TRERF1: variants seen among roughly 807,000 people sequenced by gnomAD.
The protein encoded by TRERF1 is transcriptional-regulating factor 1.
A neutral mutation model predicts 122.9 loss-of-function variants in TRERF1; 27 were observed. The ratio of observed to expected loss-of-function variants is 0.22; its 90% CI spans 0.16 to 0.30. The LOEUF is 0.30. Among genes scored for constraint, TRERF1 ranks in the 10% least tolerant of loss-of-function variants. The pLI is 1.00. For synonymous variants in TRERF1, 636 were observed against 641.7 expected (o/e 0.99, Z 0.13); for missense variants, 1,248 against 1,560.3 (o/e 0.80, Z 3.37).
intron 3 of TRERF1, among the ~76,000 whole-genome samples, chr6:42,319,787 T>C (rs999625261): frequency 7.1e-6 from 1 of 141,684 alleles, no homozygotes; most frequent in Non-Finnish European, 1.5e-5. Flanking sequence ...CACTCCAGCC[T>C]GGGTGACAGA....
chr6:42,246,537 G>T (rs1263968251), exon 14 of TRERF1: 1 of 1,600,598 alleles, frequency 6.2e-7, no homozygotes, highest in Non-Finnish European at 8.5e-7. Flanking sequence ...AGGTCCACTT[G>T]TCCGAACCTA....
rs1779713012 is a variant in TRERF1, at chr6:42,268,826, C to G, written c.765G>C (p.Gln255His). Residue 255 changes from glutamine to histidine, a missense_variant, in exon 5 of 18, where the codon CAG (glutamine) becomes CAC (histidine). Transcript: ENST00000372922. This position sits in a 1 kb window ranked among gnomAD's most constrained non-coding sequence, Gnocchi z 4.4. Reference sequence around the variant, plus strand: ...TCTGTTGCATGTGCTGTGACAGCATCTGTGGGGCCTGCAGTGGCTGTCCTC... The same window carrying G: ...TCTGTTGCATGTGCTGTGACAGCATGTGTGGGGCCTGCAGTGGCTGTCCTC... 1 of 1,614,186 alleles carries G rather than the reference C, an allele frequency of 6.2e-7. No individual in the cohort carries two copies. Among genetic ancestry groups the G allele is most frequent in the African/African-American group, 1.3e-5 (1 of 75,042 alleles).
intron 3 of TRERF1, among the ~76,000 whole-genome samples, chr6:42,307,944 C>T (rs922425612): frequency 6.6e-6 from 1 of 152,224 alleles, no homozygotes; most frequent in African/African-American, 2.4e-5. Flanking sequence ...CCAGGTTGGC[C>T]ACAACCAAAA....
intron 3 of TRERF1, among the ~76,000 whole-genome samples, chr6:42,345,142 G>A (rs1443723958): frequency 6.6e-6 from 1 of 152,218 alleles, no homozygotes. Context: ...GAGCATGTGT[G>A]AGTGGACAGA....
chr6:42,383,647 C>T (rs1335268737), intron 2 of TRERF1, among the ~76,000 whole-genome samples: 3 of 152,226 alleles, frequency 2.0e-5, no homozygotes, highest in South Asian at 2.1e-4. Context: ...AAAATGGACT[C>T]GTTTTCATCA....
In TRERF1 at chr6:42,394,073, G is replaced by A. The variant is rs930857515; in HGVS notation, c.-453-30994C>T. On this transcript the variant is annotated intron_variant, in intron 2 of 17. Transcript: ENST00000372922. ...CTTTTATGACCATAAAACAGTAAAC[G>A]GACCAGATTTTTAAATCTGGATTTT... Among the ~76,000 whole-genome samples the A allele has an allele frequency of 1.1e-4, 17 of 152,172 alleles. No individual in the cohort carries two copies. In the East Asian group the frequency reaches 1.5e-3, roughly 14 times the overall value.
intron 2 of TRERF1, among the ~76,000 whole-genome samples, chr6:42,408,359 A>G (rs1424487376): frequency 1.2e-5 from 1 of 85,270 alleles, no homozygotes; most frequent in East Asian, 3.5e-4. Flanking sequence ...GTGTGTGTAT[A>G]TATATATATA....
At chr6:42,236,506 A>C (rs1772239123) in intron 15 of TRERF1, 95 bp from the exon 16 acceptor site, 3 of 1,475,072 alleles carry the variant, frequency 2.0e-6, no homozygotes, top group Non-Finnish European at 2.7e-6. Flanking sequence ...AGAGAGGGGC[A>C]GGATGCTGGC....
At chr6:42,387,516 C>G (rs976263840) in intron 2 of TRERF1, among the ~76,000 whole-genome samples, 2 of 152,234 alleles carry the variant, frequency 1.3e-5, no homozygotes, top group African/African-American at 4.8e-5. Flanking sequence ...ACAAGAACAT[C>G]TTTCAGGCTG....
chr6:42,379,554 A>G (rs548958756), intron 2 of TRERF1, among the ~76,000 whole-genome samples: 10 of 152,272 alleles, frequency 6.6e-5, no homozygotes, highest in Middle Eastern at 3.4e-3. Context: ...TTTACTTGAC[A>G]GAGTTTCGCT....
intron 3 of TRERF1, among the ~76,000 whole-genome samples, chr6:42,311,010 T>C (rs77755594): frequency 0.036 from 5,531 of 152,326 alleles, 129 homozygotes; most frequent in African/African-American, 0.068. Flanking sequence ...TGTAGAGATA[T>C]ATCACTCATT....
intron 5 of TRERF1, among the ~76,000 whole-genome samples, chr6:42,266,194 T>TC (rs1311630320): frequency 2.7e-5 from 4 of 150,884 alleles, no homozygotes; most frequent in Admixed American, 2.0e-4. Flanking sequence ...AATTCTTTTT[T>TC]TTTTTTTTTT....
intron 14 of TRERF1, among the ~76,000 whole-genome samples, chr6:42,245,933 C>T (rs1333565136): frequency 1.3e-5 from 2 of 152,132 alleles, no homozygotes; most frequent in African/African-American, 4.8e-5. Flanking sequence ...CATGGTAAAG[C>T]CCCGCCTCTA....
chr6:42,410,020 T>C (rs1383440135), intron 2 of TRERF1, among the ~76,000 whole-genome samples: 1 of 152,274 alleles, frequency 6.6e-6, no homozygotes, highest in Non-Finnish European at 1.5e-5. Flanking sequence ...TGTTGACTGA[T>C]TATATTTCAG....
intron 3 of TRERF1, among the ~76,000 whole-genome samples, chr6:42,351,002 A>G (rs182828292): frequency 6.7e-6 from 1 of 149,658 alleles, no homozygotes; most frequent in Admixed American, 6.7e-5. Context: ...CACACACACA[A>G]ACACACACAC....
intron 3 of TRERF1, among the ~76,000 whole-genome samples, chr6:42,330,668 TG>T: frequency 6.6e-6 from 1 of 152,258 alleles, no homozygotes; most frequent in Non-Finnish European, 1.5e-5. Context: ...CAAACATTGT[TG>T]TATTTTTTAT....
chr6:42,368,347 G>C (rs986557645), intron 2 of TRERF1, among the ~76,000 whole-genome samples: 3 of 152,032 alleles, frequency 2.0e-5, no homozygotes, highest in Non-Finnish European at 4.4e-5. Flanking sequence ...CTGATGGTTG[G>C]CTCCTCGGCG....
chr6:42,374,137 T>A (rs527850013), intron 2 of TRERF1, among the ~76,000 whole-genome samples: 15,725 of 127,316 alleles, frequency 0.12, 1,223 homozygotes, highest in African/African-American at 0.25. Context: ...GTCTTTTTTT[T>A]AAAAAAAAAA....
chr6:42,279,163 G>A (rs1393459960), intron 4 of TRERF1, among the ~76,000 whole-genome samples: 1 of 152,192 alleles, frequency 6.6e-6, no homozygotes, highest in African/African-American at 2.4e-5. Context: ...AGAAGGATGA[G>A]GTCACTCCAG....
Sources: allele counts gnomAD v4.1 joint callset (sites outside exome capture counted in the v4.1 genomes callset), GRCh38; gene constraint gnomAD v4.1.1; non-coding constraint Gnocchi (gnomAD v3.1); transcripts MANE v1.5; gene names NCBI Gene and HGNC (gene_info 2026-07-23, HGNC 2026-07-21).